The following ATP7B variants were observed in gnomAD, a reference collection of about 807,000 sequenced individuals.
ATP7B encodes ATPase copper transporting beta, also known as copper-transporting ATPase 2.
In ATP7B, 113 loss-of-function variants were observed where a neutral mutation model predicts 118.9. The observed-to-expected ratio is 0.95, with a 90% CI of 0.82 to 1.11. The LOEUF (loss-of-function observed/expected upper bound fraction) is 1.11. Among genes scored for constraint, ATP7B ranks in the 50% most tolerant of loss-of-function variants. The pLI, the probability that ATP7B is intolerant of heterozygous loss-of-function variation, is 0.00. For missense variants in ATP7B, 1,867 were observed against 1,871.4 expected, an observed-to-expected ratio of 1.00 and a Z score of 0.04; for synonymous variants, 777 against 727.4, an observed-to-expected ratio of 1.07 and a Z score of -1.10.
chr13:52,009,062 A>G (rs1471032262), intron 1 of ATP7B, among the ~76,000 whole-genome samples: 1 of 151,858 alleles, frequency 6.6e-6, no homozygotes, highest in African/African-American at 2.4e-5. Context: ...TTTTTTGTAT[A>G]AACGATGTCT....
rs1206016866 is a variant in ATP7B at position 51,944,131 on chromosome 13, G to A, written c.3221C>T (p.Ala1074Val). The A allele has an allele frequency of 8.1e-6, 13 of 1,614,022 alleles. No homozygotes were observed. The highest frequency in any genetic ancestry group is 2.2e-5 in the East Asian group (1 of 44,890). Residue 1074 changes from alanine (A) to valine (V), a missense_variant, in exon 14 of 21, where the codon GCA (alanine) becomes GTA (valine). Transcript: ENST00000242839. Reference protein sequence around the residue: ...EASSEHPLGVAVTKYCKEELG... With the variant: ...EASSEHPLGVVVTKYCKEELG... ...TACCTCTTTACAGTATTTGGTGACTGCCACGCCCAAGGGGTGTTCACTGCT... is the reference window on the plus strand; with the variant it reads ...TACCTCTTTACAGTATTTGGTGACTACCACGCCCAAGGGGTGTTCACTGCT...
At chr13:51,957,472 T>C (rs1055498099) in intron 9 of ATP7B, 44 bp downstream of exon 9, 7 of 1,571,368 alleles carry the variant, frequency 4.5e-6, no homozygotes, top group Admixed American at 1.7e-5. Context: ...CTCACACAGA[T>C]TGATAGATAC....
rs891438556 is a variant in ATP7B, at chr13:51,942,394, G to T, written c.3404C>A (p.Ala1135Glu). ...ACAAAAGCCAGCAATACCTTTTTCT[G>T]CGGGAAGGCTGCCAGCCTCATTCAG... is the stretch of plus-strand genomic sequence containing the variant. ...SHLNEAGSLP[A>E]EKDAVPQTFS... The change falls in exon 15 of 21, where the codon GCA (alanine) becomes GAA (glutamate). Residue 1135 changes from alanine (A) to glutamate (E), a missense_variant. Ala to Glu is a moderately radical substitution (Grantham distance 107, BLOSUM62 -1). Transcript: ENST00000242839. 3.1e-6 allele frequency: 5 copies of T among 1,613,988 alleles called. No individual in the cohort carries two copies. In the African/African-American group the frequency reaches 6.7e-5, roughly 22 times the overall value.
Position 51,941,224 on chromosome 13 carries a change from T to C in ATP7B, c.3413A>G (p.Asp1138Gly), listed in dbSNP as rs375721306. The C allele has an allele frequency of 6.8e-6, 11 of 1,614,060 alleles. No individual in the cohort carries two copies. Among genetic ancestry groups the C allele is most frequent in the African/African-American group, 1.3e-5 (1 of 74,924 alleles). The change falls in exon 16 of 21, where the codon GAT (aspartate) becomes GGT (glycine). Residue 1138 changes from aspartate (D) to glycine (G), a missense_variant and splice_region_variant. Physicochemically the swap from Asp to Gly is moderately conservative, Grantham distance 94. Transcript: ENST00000242839. ...CACAGAGAAGGTCTGGGGGACTGCA[T>C]CTATTCAAAAGAGGCTGTGGTTATT... is the stretch of plus-strand genomic sequence containing the variant. The part of the protein sequence containing the change: ...NEAGSLPAEK[D>G]AVPQTFSVLI...
At chr13:51,938,590 T>G (rs1184282607) in intron 17 of ATP7B, among the ~76,000 whole-genome samples, 3 of 152,204 alleles carry the variant, frequency 2.0e-5, no homozygotes, top group African/African-American at 7.2e-5. Context: ...CGCTGCTGTG[T>G]GAGAAGTCAG....
chr13:51,937,944 C>T lies in ATP7B; in HGVS notation c.3700-265G>A, dbSNP rs1957070257. Among the ~76,000 whole-genome samples, 3 of 152,216 alleles carry T rather than the reference C, an allele frequency of 2.0e-5. No individual in the cohort carries two copies. The South Asian group carries it at 6.2e-4, about 31-fold the overall frequency. Reference sequence around the variant, plus strand: ...CCCTGTCCACGGCTCAGTCCTCCAACTGTCTTCTCCATGTGCTGCCCCCAT... The same window carrying T: ...CCCTGTCCACGGCTCAGTCCTCCAATTGTCTTCTCCATGTGCTGCCCCCAT... On this transcript the variant is annotated intron_variant, in intron 17 of 20. Coordinates refer to ENST00000242839, the MANE Select transcript of ATP7B (RefSeq NM_000053.4).
chr13:51,975,634 A>G, intron 1 of ATP7B: 1 of 478,542 alleles, frequency 2.1e-6, no homozygotes, highest in Admixed American at 2.2e-5. Context: ...CAAACCCCAG[A>G]ATAGTCAACA....
chr13:52,011,541 G>A, upstream of ATP7B: 1 of 672,136 alleles, frequency 1.5e-6, no homozygotes, highest in Non-Finnish European at 2.6e-6. Context: ...TCTTCACACG[G>A]ATGATTCAAA....
At chr13:52,000,939 G>C (rs890160595) in intron 1 of ATP7B, among the ~76,000 whole-genome samples, 6 of 152,200 alleles carry the variant, frequency 3.9e-5, no homozygotes, top group African/African-American at 1.4e-4. Context: ...AGGATCACTT[G>C]AGCCCAGGAG....
chr13:51,974,699 A>C lies in ATP7B; in HGVS notation c.521T>G (p.Val174Gly), dbSNP rs767734688. The C allele has an allele frequency of 1.9e-6, 3 of 1,611,356 alleles. No homozygotes were observed. The highest frequency in any genetic ancestry group is 1.7e-6 in the Non-Finnish European group (2 of 1,178,024). Residue 174 changes from valine to glycine, a missense_variant, in exon 2 of 21, where the codon GTC becomes GGC. Val to Gly is a moderately radical substitution (Grantham distance 109). Coordinates refer to ENST00000242839, the MANE Select transcript of ATP7B (RefSeq NM_000053.4). ...CTCTTGGTTGCTGAGTGAGACTTTG[A>C]CTCTCACTACTCCTTGCAGTTTCCG... is the stretch of plus-strand genomic sequence containing the variant. ...KVRKLQGVVRVKVSLSNQEAV... is the reference protein window; with the variant it reads ...KVRKLQGVVRGKVSLSNQEAV...
At chr13:51,955,498 C>T (rs1051068428) in intron 9 of ATP7B, among the ~76,000 whole-genome samples, 4 of 152,140 alleles carry the variant, frequency 2.6e-5, no homozygotes, top group Admixed American at 2.6e-4. Flanking sequence ...GCGTCCCCAG[C>T]CAAAAAATGA....
intron 4 of ATP7B, 98 bp downstream of exon 4, chr13:51,968,346 C>A (rs77703666): frequency 3.0e-5 from 46 of 1,551,214 alleles, no homozygotes; most frequent in Non-Finnish European, 3.9e-5. Context: ...AAACCAGACA[C>A]GTCCAAGATG....
upstream of ATP7B, chr13:52,011,968 C>T (rs1954053072): frequency 6.6e-6 from 2 of 302,514 alleles, no homozygotes; most frequent in South Asian, 3.0e-5. Context: ...GCCTGGCTGC[C>T]GGACGCCGTG....
At chr13:52,011,227 G>A in intron 1 of ATP7B, 60 bp downstream of exon 1, 1 of 1,613,554 alleles carries the variant, frequency 6.2e-7, no homozygotes, top group South Asian at 1.1e-5. Flanking sequence ...CGAACGCGGG[G>A]AGGAAAATCC....
Position 51,970,734 on chromosome 13 carries a change from T to C in ATP7B, c.1301A>G (p.Asn434Ser), listed in dbSNP as rs762859925. 6.2e-7 allele frequency: 1 copy of C among 1,613,794 alleles called. No homozygotes were observed. The highest frequency in any genetic ancestry group is 2.2e-5 in the East Asian group (1 of 44,888). The change falls in exon 3 of 21, where the codon AAC becomes AGC. Residue 434 changes from asparagine (N) to serine (S), a missense_variant. By Grantham distance (46) the Asn-to-Ser change is conservative. Coordinates refer to ENST00000242839, the MANE Select transcript of ATP7B (RefSeq NM_000053.4). ...CCCAGCACTGTGGTTTCCAAGAGGG[T>C]TAGTAGAACAGCTTTCTAGGATAAA... ...ASVVSESCST[N>S]PLGNHSAGNS...
intron 1 of ATP7B, among the ~76,000 whole-genome samples, chr13:51,980,501 T>A (rs575929594): frequency 6.6e-6 from 1 of 152,198 alleles, no homozygotes; most frequent in East Asian, 1.9e-4. Flanking sequence ...GTTAAAAAAA[T>A]AACTACTGAT....
chr13:52,003,489 G>A (rs117890201), intron 1 of ATP7B, among the ~76,000 whole-genome samples: 3,028 of 152,220 alleles, frequency 0.02, 47 homozygotes, highest in Middle Eastern at 0.065. Context: ...ACAGATCACC[G>A]TAACAGATAT....
At chr13:51,960,648 T>C (rs993271291) in intron 6 of ATP7B, among the ~76,000 whole-genome samples, 2 of 152,190 alleles carry the variant, frequency 1.3e-5, no homozygotes, top group Admixed American at 6.5e-5. Context: ...GTGCCTACCA[T>C]CCTCGGCCTA....
Position 51,960,261 on chromosome 13 carries a change from A to T in ATP7B, c.2008T>A (p.Tyr670Asn). 6.2e-7 allele frequency: 1 copy of T among 1,613,972 alleles called. No individual in the cohort carries two copies. The highest frequency in any genetic ancestry group is 1.3e-5 in the African/African-American group (1 of 75,054). Reference protein sequence around the residue: ...FGIPVMALMIYMLIPSNEPHQ... With the variant: ...FGIPVMALMINMLIPSNEPHQ... ...GGCTCGTTGCTGGGTATCAGCATAT[A>T]GATCATTAAGGCCATGACAGGGATG... Residue 670 changes from tyrosine (Y) to asparagine (N), a missense_variant, in exon 7 of 21, where the codon TAT (tyrosine) becomes AAT (asparagine). Transcript: ENST00000242839.
Sources: gnomAD v4.1 joint callset for allele counts (sites outside exome capture counted in the v4.1 genomes callset) on GRCh38, gnomAD v4.1.1 for gene constraint, MANE v1.5 for transcripts, NCBI Gene and HGNC (gene_info 2026-07-23, HGNC 2026-07-21) for gene names.